DNAJC17: variants seen among roughly 807,000 people sequenced by gnomAD.
The protein encoded by DNAJC17 is DnaJ heat shock protein family (Hsp40) member C17, also known as dnaJ homolog subfamily C member 17.
In DNAJC17, 35 loss-of-function variants were observed where a neutral mutation model predicts 48.1. The observed-to-expected ratio is 0.73, with a 90% CI of 0.56 to 0.96. The LOEUF (loss-of-function observed/expected upper bound fraction) is 0.96. DNAJC17 is among the 50% of genes least tolerant of loss of function. The probability of loss-of-function intolerance (pLI) is 0.00; values close to 1 mark genes in which losing one functional copy is unlikely to be tolerated. For synonymous variants in DNAJC17, 117 were observed against 142.7 expected (o/e 0.82, Z 1.28); for missense variants, 355 against 377.1 (o/e 0.94, Z 0.48).
rs1888954565 is a variant in DNAJC17, at chr15:40,766,535, C to T, written c.*1405G>A. 6.6e-6 allele frequency: 1 copy of T among 152,266 alleles called. No homozygotes were observed. The highest frequency in any genetic ancestry group is 1.5e-5 in the Non-Finnish European group (1 of 68,070). 9.4% of individuals were successfully genotyped at this position (152,266 alleles called of 1,614,324 possible). Reference sequence around the variant, plus strand: ...GGGAAAGAGGAGGGCTGATCCCAGCCCCTGGGTCAAGGCTCGGGGACAGAA... The same window carrying T: ...GGGAAAGAGGAGGGCTGATCCCAGCTCCTGGGTCAAGGCTCGGGGACAGAA... On this transcript the variant is annotated 3_prime_UTR_variant, in exon 11 of 11. Transcript: ENST00000220496.
At chr15:40,768,366 G>T (rs1038345691) in intron 10 of DNAJC17, among the ~76,000 whole-genome samples, 11 of 152,124 alleles carry the variant, frequency 7.2e-5, no homozygotes, top group Non-Finnish European at 7.3e-5. Flanking sequence ...CCAGGCCCTC[G>T]TCTCCCTTCA....
rs146679421 is a variant in DNAJC17, at chr15:40,807,429, C to G, written c.18G>C (p.Glu6Asp). The G allele has an allele frequency of 1.2e-5, 20 of 1,614,156 alleles. No individual in the cohort carries two copies. Among genetic ancestry groups the G allele is most frequent in the Admixed American group, 1.0e-4 (6 of 60,016 alleles). ...GCGCGTACAGGTCCATCTGTAAGAG[C>G]TCCTTGGTCACTGCCATGGTTCCGG... is the stretch of plus-strand genomic sequence containing the variant. MAVTK[E>D]LLQMDLYALL... The change falls in exon 1 of 11, where the codon GAG becomes GAC. Residue 6 changes from glutamate to aspartate, a missense_variant. By Grantham distance (45) the Glu-to-Asp change is conservative. Transcript: ENST00000220496.
At chr15:40,775,456 GC>G (rs1262735993) in intron 7 of DNAJC17, 96 bp downstream of exon 7, 1 of 1,377,964 alleles carries the variant, frequency 7.3e-7, no homozygotes, top group African/African-American at 1.4e-5. Context: ...AGATCCAGCA[GC>G]CCCACCAGAA....
rs1205203647 is a variant in DNAJC17, at chr15:40,776,640, G to A, written c.296-13C>T. 6.2e-7 allele frequency: 1 copy of A among 1,613,596 alleles called. No homozygotes were observed. The highest frequency in any genetic ancestry group is 1.1e-5 in the South Asian group (1 of 91,072). The stretch of plus-strand genomic sequence containing the variant: ...CGGGCCTCCAGGTCTAGACACAAGG[G>A]TTGAATGACCAGACTGCTGGTCTGT... On this transcript the variant is annotated splice_polypyrimidine_tract_variant and intron_variant, in intron 4 of 10. Transcript: ENST00000220496.
chr15:40,769,165 C>T lies in DNAJC17; in HGVS notation c.793-1103G>A, dbSNP rs561459880. On this transcript the variant is annotated intron_variant, in intron 10 of 10. Coordinates refer to ENST00000220496, the MANE Select transcript of DNAJC17 (RefSeq NM_018163.3). This position sits in a 1 kb window ranked among gnomAD's most constrained non-coding sequence, Gnocchi z 4.2. ...GGCTGCACCCCTCCCCTCTCCCCGGCTGCAGCAGTCCCAGCTAGGCCGGAC... is the reference window on the plus strand; with the variant it reads ...GGCTGCACCCCTCCCCTCTCCCCGGTTGCAGCAGTCCCAGCTAGGCCGGAC... Among the ~76,000 whole-genome samples the T allele has an allele frequency of 2.0e-4, 30 of 152,326 alleles. No homozygotes were observed. Among genetic ancestry groups the T allele is most frequent in the Admixed American group, 7.8e-4 (12 of 15,308 alleles).
chr15:40,770,831 G>T lies in DNAJC17; in HGVS notation c.793-2769C>A. On this transcript the variant is annotated intron_variant, in intron 10 of 10. Coordinates refer to ENST00000220496, the MANE Select transcript of DNAJC17 (RefSeq NM_018163.3). The surrounding 1 kb of genome is among the most constrained non-coding windows in gnomAD (Gnocchi z 5.0). Reference sequence around the variant, plus strand: ...CAGCCTACTCTGCCACCCTGCCATCGGCGCTCTCTCTGTCGAGTGCCCTCC... The same window carrying T: ...CAGCCTACTCTGCCACCCTGCCATCTGCGCTCTCTCTGTCGAGTGCCCTCC... 6.4e-7 allele frequency: 1 copy of T among 1,551,158 alleles called. No homozygotes were observed. Among genetic ancestry groups the T allele is most frequent in the African/African-American group, 1.4e-5 (1 of 73,122 alleles).
intron 9 of DNAJC17, 171 bp downstream of exon 9, chr15:40,774,185 C>A (rs1406927271): frequency 2.1e-5 from 15 of 720,428 alleles, no homozygotes. Context: ...CCTTCACACA[C>A]GGTGCCTCTA....
At chr15:40,789,362 A>C (rs1889731399) in intron 1 of DNAJC17, among the ~76,000 whole-genome samples, 2 of 129,214 alleles carry the variant, frequency 1.5e-5, no homozygotes, top group Non-Finnish European at 1.6e-5. Context: ...CCCCCACAGT[A>C]CTCCCTCCTA....
intron 1 of DNAJC17, among the ~76,000 whole-genome samples, chr15:40,794,362 A>G (rs1889892626): frequency 1.3e-5 from 2 of 151,784 alleles, no homozygotes; most frequent in African/African-American, 4.8e-5. Context: ...AAAAAAAAAC[A>G]AAAACAAGAA....
At chr15:40,785,929 T>C (rs1889630074) in intron 1 of DNAJC17, among the ~76,000 whole-genome samples, 1 of 152,248 alleles carries the variant, frequency 6.6e-6, no homozygotes, top group African/African-American at 2.4e-5. Flanking sequence ...TATATTTAAC[T>C]GTTAAACCTG....
At position 40,771,257 on chromosome 15, in the gene DNAJC17, G is replaced by C. The variant is rs117477898; in HGVS notation, c.792+2470C>G. The C allele has an allele frequency of 2.5e-4, 142 of 568,132 alleles. 1 individual carries two copies. In the East Asian group the frequency reaches 3.1e-3, roughly 13 times the overall value. 35.2% of individuals were successfully genotyped at this position (568,132 alleles called of 1,614,324 possible). ...GGACAGAGGCAATCTGGAAATGTTGGGGGGGCGGCCCTTCCTGGCAGGACC... is the reference window on the plus strand; with the variant it reads ...GGACAGAGGCAATCTGGAAATGTTGCGGGGGCGGCCCTTCCTGGCAGGACC... On this transcript the variant is annotated intron_variant, in intron 10 of 10. Coordinates refer to ENST00000220496, the MANE Select transcript of DNAJC17 (RefSeq NM_018163.3).
intron 4 of DNAJC17, among the ~76,000 whole-genome samples, chr15:40,777,419 T>A (rs1326841404): frequency 6.6e-6 from 1 of 151,910 alleles, no homozygotes; most frequent in Non-Finnish European, 1.5e-5. Flanking sequence ...GAAACTTGAG[T>A]AAAGAATGCT....
intron 1 of DNAJC17, 116 bp downstream of exon 1, chr15:40,807,253 C>T (rs1890264710): frequency 1.9e-6 from 3 of 1,588,658 alleles, no homozygotes; most frequent in Non-Finnish European, 1.7e-6. Flanking sequence ...CCGACCCTCG[C>T]TCCCCGCCCA....
chr15:40,794,881 C>A (rs561004512), intron 1 of DNAJC17, among the ~76,000 whole-genome samples: 189 of 152,026 alleles, frequency 1.2e-3, no homozygotes, highest in Non-Finnish European at 2.4e-3. Flanking sequence ...CCAAGCCCAG[C>A]TAATTTTTTG....
intron 1 of DNAJC17, among the ~76,000 whole-genome samples, chr15:40,794,780 C>T (rs1452227581): frequency 2.6e-5 from 4 of 152,144 alleles, no homozygotes; most frequent in Admixed American, 6.5e-5. Context: ...TGCAGTGGCA[C>T]GATCTCGGCT....
At chr15:40,775,692 G>A in intron 6 of DNAJC17, 96 bp from the exon 7 acceptor site, 2 of 1,306,838 alleles carry the variant, frequency 1.5e-6, no homozygotes, top group Non-Finnish European at 2.2e-6. Context: ...TCTGGAAAGG[G>A]TCACTCCTGA....
At chr15:40,774,913 GAA>G in intron 8 of DNAJC17, 116 bp downstream of exon 8, 2 of 1,066,392 alleles carry the variant, frequency 1.9e-6, no homozygotes, top group Non-Finnish European at 1.4e-6. Flanking sequence ...CTATGAGACA[GAA>G]AAAAAAAGCA....
intron 1 of DNAJC17, among the ~76,000 whole-genome samples, chr15:40,790,020 G>A (rs977800986): frequency 2.6e-5 from 4 of 151,530 alleles, no homozygotes; most frequent in Admixed American, 2.6e-4. Flanking sequence ...TATGCAAATG[G>A]AAAACATTTT....
At chr15:40,804,423 A>G (rs1890151410) in intron 1 of DNAJC17, among the ~76,000 whole-genome samples, 1 of 151,490 alleles carries the variant, frequency 6.6e-6, no homozygotes, top group African/African-American at 2.4e-5. Flanking sequence ...GGAAAAAAAA[A>G]AAAAGCAAAA....
Sources: allele counts gnomAD v4.1 joint callset (sites outside exome capture counted in the v4.1 genomes callset), GRCh38; gene constraint gnomAD v4.1.1; non-coding constraint Gnocchi (gnomAD v3.1); transcripts MANE v1.5; gene names NCBI Gene and HGNC (gene_info 2026-07-23, HGNC 2026-07-21).